Variants in AKIRIN2 observed in about 807,000 individuals in gnomAD.
The protein encoded by AKIRIN2 is akirin 2.
Under a neutral mutation model 29.3 loss-of-function variants are expected in AKIRIN2, and 6 were observed. The observed-to-expected ratio is 0.20, with a 90% CI of 0.11 to 0.40. The LOEUF is 0.40. Among genes scored for constraint, AKIRIN2 ranks in the 10% least tolerant of loss-of-function variants. The pLI is 1.00. For missense variants in AKIRIN2, 210 were observed against 276.1 expected, an observed-to-expected ratio of 0.76 and a Z score of 1.70; for synonymous variants, 128 against 117.5, an observed-to-expected ratio of 1.09 and a Z score of -0.58.
chr6:87,695,212 A>G (rs1433804397), intron 1 of AKIRIN2, among the ~76,000 whole-genome samples: 1 of 152,226 alleles, frequency 6.6e-6, no homozygotes, highest in Non-Finnish European at 1.5e-5. Context: ...AGAAAAATGA[A>G]GAGAGAAATA....
intron 1 of AKIRIN2, among the ~76,000 whole-genome samples, chr6:87,689,936 G>A (rs1305717560): frequency 2.0e-5 from 3 of 152,140 alleles, no homozygotes; most frequent in East Asian, 1.9e-4. Flanking sequence ...TCTTGGCCAC[G>A]GGCGGTGGCT....
intron 1 of AKIRIN2, among the ~76,000 whole-genome samples, chr6:87,683,518 AT>A (rs2128301458): frequency 6.6e-6 from 1 of 152,376 alleles, no homozygotes; most frequent in East Asian, 1.9e-4. Flanking sequence ...ATACCTTGAT[AT>A]AAATGGGTTT....
chr6:87,679,509 A>G (rs1169003691), intron 2 of AKIRIN2, among the ~76,000 whole-genome samples: 5 of 152,196 alleles, frequency 3.3e-5, no homozygotes, highest in Non-Finnish European at 7.3e-5. Flanking sequence ...AAAACAAAAC[A>G]AAACAAAACA....
At chr6:87,676,524 A>C (rs1430808808) in intron 3 of AKIRIN2, among the ~76,000 whole-genome samples, 2 of 149,728 alleles carry the variant, frequency 1.3e-5, no homozygotes, top group Non-Finnish European at 3.0e-5. Flanking sequence ...TGGGACGCCG[A>C]GGCGGGCACA....
At chr6:87,697,063 C>G (rs1017491058) in intron 1 of AKIRIN2, among the ~76,000 whole-genome samples, 7 of 151,796 alleles carry the variant, frequency 4.6e-5, no homozygotes, top group Admixed American at 4.6e-4. Context: ...AATCCCAGCA[C>G]TGTGTGAGGC....
intron 1 of AKIRIN2, among the ~76,000 whole-genome samples, chr6:87,683,224 C>T (rs1771143525): frequency 1.3e-5 from 2 of 152,182 alleles, no homozygotes; most frequent in Admixed American, 6.5e-5. Flanking sequence ...CCTGTTTATA[C>T]ATACACGAAT....
chr6:87,678,368 G>T (rs1771060871), intron 2 of AKIRIN2, among the ~76,000 whole-genome samples: 1 of 152,002 alleles, frequency 6.6e-6, no homozygotes, highest in Non-Finnish European at 1.5e-5. Flanking sequence ...CAGGCATGGT[G>T]GCGGGCACCT....
intron 1 of AKIRIN2, among the ~76,000 whole-genome samples, chr6:87,689,546 T>C (rs765715820): frequency 2.6e-5 from 4 of 152,140 alleles, no homozygotes; most frequent in Non-Finnish European, 4.4e-5. Context: ...CTCAGCCCCA[T>C]GGACATGATT....
At position 87,675,852 on chromosome 6, in the gene AKIRIN2, A is replaced by G. The variant is rs1242731045; in HGVS notation, c.601+8T>C. On this transcript the variant is annotated splice_region_variant and intron_variant, in intron 4 of 4. Transcript: ENST00000257787. ...TTCAGTTTATAACTTCAAAGGTGAAATACTTACAGCTAGCAGGCTGTTCTC... is the reference window on the plus strand; with the variant it reads ...TTCAGTTTATAACTTCAAAGGTGAAGTACTTACAGCTAGCAGGCTGTTCTC... The G allele has an allele frequency of 6.2e-7, 1 of 1,611,168 alleles. No individual in the cohort carries two copies. The highest frequency in any genetic ancestry group is 1.7e-5 in the Admixed American group (1 of 59,552).
chr6:87,699,582 A>T (rs759802366), intron 1 of AKIRIN2, among the ~76,000 whole-genome samples: 1 of 151,600 alleles, frequency 6.6e-6, no homozygotes, highest in African/African-American at 2.4e-5. Flanking sequence ...TGGAAAGTGA[A>T]TGTGAATCTC....
At position 87,702,043 on chromosome 6, in the gene AKIRIN2, TGCTGAGACTA is replaced by T; in HGVS notation, c.-369_-360del. 2.5e-6 allele frequency: 1 copy of T among 402,902 alleles called. No individual in the cohort carries two copies. Among genetic ancestry groups the T allele is most frequent in the Non-Finnish European group, 4.4e-6 (1 of 228,452 alleles). The allele number at this position is 402,902 out of a possible 1,614,324, so 25.0% of individuals were successfully genotyped here. A position where few individuals can be genotyped will look rare whatever the true frequency, so the allele number is the denominator to read the frequency against. ...TTGCGCCGCGCCTGAGGCGCTTCTG[TGCTGAGACTA>T]GATCCTTTCTGAAGTCGAAAACAGC... is the stretch of plus-strand genomic sequence containing the variant. On this transcript the variant is annotated 5_prime_UTR_variant, in exon 1 of 5. Coordinates refer to ENST00000257787, the MANE Select transcript of AKIRIN2 (RefSeq NM_018064.4).
chr6:87,691,967 C>T (rs1305348006), intron 1 of AKIRIN2, among the ~76,000 whole-genome samples: 1 of 152,088 alleles, frequency 6.6e-6, no homozygotes, highest in Non-Finnish European at 1.5e-5. Context: ...TCATGGAAGG[C>T]TTGTGAATAT....
intron 1 of AKIRIN2, among the ~76,000 whole-genome samples, chr6:87,696,179 A>C (rs1367442049): frequency 6.6e-6 from 1 of 152,116 alleles, no homozygotes; most frequent in Non-Finnish European, 1.5e-5. Flanking sequence ...GTCTCAGAAA[A>C]CAAAAACAAA....
chr6:87,696,866 C>T (rs566849127), intron 1 of AKIRIN2, among the ~76,000 whole-genome samples: 12 of 151,556 alleles, frequency 7.9e-5, no homozygotes, highest in East Asian at 1.9e-4. Context: ...ATTAGCCGGG[C>T]GTGGTGGTGT....
At chr6:87,682,948 A>C (rs1393755317) in intron 1 of AKIRIN2, among the ~76,000 whole-genome samples, 2 of 152,142 alleles carry the variant, frequency 1.3e-5, no homozygotes. Context: ...AAAGAAAGCT[A>C]AAGATTTACA....
chr6:87,690,613 T>C (rs1192885199), intron 1 of AKIRIN2, among the ~76,000 whole-genome samples: 3 of 152,248 alleles, frequency 2.0e-5, no homozygotes, highest in African/African-American at 4.8e-5. Flanking sequence ...TTCGTCATTA[T>C]GTGACTGATG....
intron 1 of AKIRIN2, among the ~76,000 whole-genome samples, chr6:87,690,712 C>G (rs1029109525): frequency 6.6e-6 from 1 of 152,044 alleles, no homozygotes; most frequent in Non-Finnish European, 1.5e-5. Flanking sequence ...GTCACTCATG[C>G]CAGTAATCCC....
At chr6:87,680,287 T>A (rs933879261) in intron 2 of AKIRIN2, among the ~76,000 whole-genome samples, 1 of 139,796 alleles carries the variant, frequency 7.2e-6, no homozygotes, top group Non-Finnish European at 1.5e-5. Flanking sequence ...TCTTTGATTT[T>A]TTTTTTTTTT....
At chr6:87,697,616 C>T (rs1203508380) in intron 1 of AKIRIN2, among the ~76,000 whole-genome samples, 1 of 152,204 alleles carries the variant, frequency 6.6e-6, no homozygotes, top group Admixed American at 6.5e-5. Context: ...CTCCAACAGA[C>T]GTCTCATTTG....
Sources: gnomAD v4.1 joint callset for allele counts (sites outside exome capture counted in the v4.1 genomes callset) on GRCh38, gnomAD v4.1.1 for gene constraint, MANE v1.5 for transcripts, NCBI Gene and HGNC (gene_info 2026-07-23, HGNC 2026-07-21) for gene names.